GLI3: variants seen among roughly 807,000 people sequenced by gnomAD.
The protein encoded by GLI3 is GLI family zinc finger 3.
GLI3 carries 20 observed loss-of-function variants against 100.8 expected under a neutral mutation model. The ratio of observed to expected loss-of-function variants is 0.20; its 90% CI spans 0.14 to 0.29. The LOEUF is 0.29. Among genes scored for constraint, GLI3 ranks in the 10% least tolerant of loss-of-function variants. The pLI, the probability that GLI3 is intolerant of heterozygous loss-of-function variation, is 1.00. For missense variants in GLI3, 2,040 were observed against 2,128.5 expected, an observed-to-expected ratio of 0.96 and a Z score of 0.82; for synonymous variants, 938 against 860.5, an observed-to-expected ratio of 1.09 and a Z score of -1.58.
At chr7:42,217,253 G>A (rs1447707221) in intron 2 of GLI3, among the ~76,000 whole-genome samples, 2 of 152,138 alleles carry the variant, frequency 1.3e-5, no homozygotes, top group Non-Finnish European at 2.9e-5. Flanking sequence ...GAGAGAAGGA[G>A]GGGTCAAAGG....
chr7:42,128,906 C>T (rs910751967), intron 3 of GLI3, among the ~76,000 whole-genome samples: 1 of 152,236 alleles, frequency 6.6e-6, no homozygotes, highest in Non-Finnish European at 1.5e-5. Context: ...CAAGGTCACA[C>T]TGCCAGAAGG....
rs1332465394 is a variant in GLI3, at chr7:42,182,762, C to T, written c.125-34294G>A. Among the ~76,000 whole-genome samples the T allele has an allele frequency of 8.4e-5, 12 of 142,464 alleles. 1 individual carries two copies. In the South Asian group the frequency reaches 2.6e-3, roughly 31 times the overall value. The allele number at this position is 142,464 out of a possible 152,430, so 93.5% of individuals were successfully genotyped here. ...CACACACACAGAGGAATTTTTTTGG[C>T]AAACAAGAGTCCCAAACAAATTGCT... On this transcript the variant is annotated intron_variant, in intron 2 of 14. Coordinates refer to ENST00000395925, the MANE Select transcript of GLI3 (RefSeq NM_000168.6).
At chr7:42,218,468 G>A (rs1007773406) in intron 2 of GLI3, among the ~76,000 whole-genome samples, 15 of 145,102 alleles carry the variant, frequency 1.0e-4, no homozygotes, top group Non-Finnish European at 1.5e-4. Flanking sequence ...GGCAAAAACC[G>A]CAATTACTTT....
At chr7:42,137,464 C>T (rs1030932040) in intron 3 of GLI3, among the ~76,000 whole-genome samples, 5 of 152,138 alleles carry the variant, frequency 3.3e-5, no homozygotes, top group African/African-American at 1.2e-4. Context: ...TACTTTTTCA[C>T]GGCAAACCTT....
Position 41,964,998 on chromosome 7 carries a change from C to G in GLI3, c.4075G>C (p.Gly1359Arg), listed in dbSNP as rs773475774. 6.2e-7 allele frequency: 1 copy of G among 1,613,870 alleles called. No individual in the cohort carries two copies. Among genetic ancestry groups the G allele is most frequent in the Non-Finnish European group, 8.5e-7 (1 of 1,180,036 alleles). The change falls in exon 15 of 15, where the codon GGG becomes CGG. Residue 1359 changes from glycine (G) to arginine (R), a missense_variant. Coordinates refer to ENST00000395925, the MANE Select transcript of GLI3 (RefSeq NM_000168.6). ...SATSHINIYQ[G>R]PESCLPGAHG... ...GCCCCTGGCAGGCAGCTCTCTGGCC[C>G]TTGGTAGATGTTGATGTGTGAGGTA...
chr7:42,161,248 A>C (rs1312028189), intron 2 of GLI3, among the ~76,000 whole-genome samples: 2 of 152,238 alleles, frequency 1.3e-5, no homozygotes, highest in Non-Finnish European at 2.9e-5. Flanking sequence ...ATTTCACAAC[A>C]GGCAAAAATG....
At position 41,967,520 on chromosome 7, in the gene GLI3, A is replaced by G. The variant is rs1187183313; in HGVS notation, c.2431+76T>C. 6.9e-6 allele frequency: 7 copies of G among 1,019,536 alleles called. No homozygotes were observed. In the East Asian group the frequency reaches 9.5e-5, roughly 14 times the overall value. 63.2% of individuals were successfully genotyped at this position (1,019,536 alleles called of 1,614,324 possible). A position where few individuals can be genotyped will look rare whatever the true frequency, so the allele number is the denominator to read the frequency against. Reference sequence around the variant, plus strand: ...AGGACTGGTGGAGAAACTAGCAAACATAAAACTGAGGGCCTGCATTTAAAA... The same window carrying G: ...AGGACTGGTGGAGAAACTAGCAAACGTAAAACTGAGGGCCTGCATTTAAAA... On this transcript the variant is annotated intron_variant, in intron 14 of 14. Transcript: ENST00000395925.
intron 1 of GLI3, among the ~76,000 whole-genome samples, chr7:42,225,647 C>T (rs1788567618): frequency 6.6e-6 from 1 of 152,216 alleles, no homozygotes; most frequent in Admixed American, 6.5e-5. Flanking sequence ...AGGCGTGAGC[C>T]TTGAACAACT....
In GLI3 at chr7:41,968,053, T is replaced by C. The variant is rs574249688; in HGVS notation, c.2104-130A>G. ...TGGTTGAATGAGAAGAAAAACTATG[T>C]TCTGGTGAATGGAGCTGGCCACTTT... On this transcript the variant is annotated intron_variant, in intron 13 of 14. Coordinates refer to ENST00000395925, the MANE Select transcript of GLI3 (RefSeq NM_000168.6). The C allele has an allele frequency of 5.3e-4, 440 of 834,046 alleles. 5 individuals are homozygous for C. In the South Asian group the frequency reaches 5.9e-3, roughly 11 times the overall value. 51.7% of individuals were successfully genotyped at this position (834,046 alleles called of 1,614,324 possible).
At chr7:42,252,521 A>G (rs569814185) in intron 1 of GLI3, among the ~76,000 whole-genome samples, 31 of 152,342 alleles carry the variant, frequency 2.0e-4, no homozygotes, top group African/African-American at 7.2e-4. Flanking sequence ...CTTAACATAT[A>G]GTGCACAGAG....
At position 42,224,298 on chromosome 7, in the gene GLI3, C is replaced by T. The variant is rs552396473; in HGVS notation, c.-42-1003G>A. Among the ~76,000 whole-genome samples, 11 of 152,296 alleles carry T rather than the reference C, an allele frequency of 7.2e-5. 1 individual carries two copies. The South Asian group carries it at 2.3e-3, about 32-fold the overall frequency. Reference sequence around the variant, plus strand: ...TTATTTTTCTACATTTAGTAAATGTCGACATCCTCAATCACAGCAGTGGTT... The same window carrying T: ...TTATTTTTCTACATTTAGTAAATGTTGACATCCTCAATCACAGCAGTGGTT... On this transcript the variant is annotated intron_variant, in intron 1 of 14. Coordinates refer to ENST00000395925, the MANE Select transcript of GLI3 (RefSeq NM_000168.6).
At chr7:42,043,571 T>C (rs1393161817) in intron 6 of GLI3, among the ~76,000 whole-genome samples, 4 of 152,248 alleles carry the variant, frequency 2.6e-5, no homozygotes, top group Non-Finnish European at 4.4e-5. Context: ...TTTGTTTCCC[T>C]ATTCTAATAA....
At chr7:42,179,740 G>A (rs2190511) in intron 2 of GLI3, among the ~76,000 whole-genome samples, 75,667 of 151,870 alleles carry the variant, frequency 0.5, 21,594 homozygotes, top group African/African-American at 0.79. Context: ...AGAGAGAGAC[G>A]GAGAGGTGAG....
chr7:42,062,041 A>C (rs1269689965), intron 4 of GLI3, among the ~76,000 whole-genome samples: 1 of 152,136 alleles, frequency 6.6e-6, no homozygotes, highest in African/African-American at 2.4e-5. Context: ...GGAAATGTCT[A>C]TGATGTGCAA....
intron 2 of GLI3, among the ~76,000 whole-genome samples, chr7:42,175,259 C>T (rs1787455985): frequency 6.6e-6 from 1 of 152,194 alleles, no homozygotes; most frequent in Admixed American, 6.5e-5. Flanking sequence ...TGCCTTCCAT[C>T]CCTCGGTCCA....
chr7:42,071,502 C>A (rs1340473955), intron 4 of GLI3, among the ~76,000 whole-genome samples: 2 of 152,054 alleles, frequency 1.3e-5, no homozygotes, highest in Non-Finnish European at 2.9e-5. Context: ...CATGAACAGG[C>A]CCAATATAGT....
At chr7:42,132,262 G>GCCACCACACCCA (rs1562748790) in intron 3 of GLI3, among the ~76,000 whole-genome samples, 3 of 149,994 alleles carry the variant, frequency 2.0e-5, no homozygotes, top group African/African-American at 7.4e-5. Flanking sequence ...CACTACGCCC[G>GCCACCACACCCA]GCTAATTTTT....
chr7:42,193,371 C>T (rs1160241682), intron 2 of GLI3, among the ~76,000 whole-genome samples: 4 of 152,094 alleles, frequency 2.6e-5, no homozygotes, highest in Non-Finnish European at 5.9e-5. Flanking sequence ...AGCTGCTCTC[C>T]CTTTCCTCCT....
At chr7:42,099,833 G>T (rs1250696154) in intron 3 of GLI3, among the ~76,000 whole-genome samples, 1 of 152,242 alleles carries the variant, frequency 6.6e-6, no homozygotes, top group East Asian at 1.9e-4. Context: ...ATCTGGCCAT[G>T]ATATTTTAAA....
Sources: allele counts gnomAD v4.1 joint callset (sites outside exome capture counted in the v4.1 genomes callset), GRCh38; gene constraint gnomAD v4.1.1; transcripts MANE v1.5; gene names NCBI Gene and HGNC (gene_info 2026-07-23, HGNC 2026-07-21).